DNAJC1: variants seen among roughly 807,000 people sequenced by gnomAD.
The protein encoded by DNAJC1 is dnaJ homolog subfamily C member 1.
DNAJC1 carries 58 observed loss-of-function variants against 76.6 expected under a neutral mutation model. The observed-to-expected ratio is 0.76, with a 90% confidence interval of 0.61 to 0.94. The LOEUF (loss-of-function observed/expected upper bound fraction) is 0.94, where lower values mean the gene tolerates loss of function less well. DNAJC1 is among the 40% of genes least tolerant of loss of function. DNAJC1 has a pLI of 0.00. For missense variants in DNAJC1, 689 were observed against 677.3 expected (o/e 1.02, Z -0.19); for synonymous variants, 258 against 267.9 (o/e 0.96, Z 0.36).
intron 6 of DNAJC1, among the ~76,000 whole-genome samples, chr10:21,917,034 G>A (rs1255478861): frequency 2.0e-5 from 3 of 151,910 alleles, no homozygotes; most frequent in African/African-American, 7.3e-5. Context: ...AGATTTAAAA[G>A]GTCTTGGAAC....
intron 6 of DNAJC1, among the ~76,000 whole-genome samples, 179 bp downstream of exon 6, chr10:21,918,600 A>G (rs1013090405): frequency 6.6e-6 from 1 of 151,954 alleles, no homozygotes; most frequent in Non-Finnish European, 1.5e-5. Flanking sequence ...AATTACAGAA[A>G]CATATCTAAA....
intron 8 of DNAJC1, among the ~76,000 whole-genome samples, chr10:21,875,494 T>C (rs1464111284): frequency 6.6e-6 from 1 of 152,196 alleles, no homozygotes; most frequent in Non-Finnish European, 1.5e-5. Context: ...AAATAAAGAT[T>C]TTCAGCAATG....
At chr10:21,953,152 T>G (rs1323743107) in intron 1 of DNAJC1, among the ~76,000 whole-genome samples, 1 of 152,142 alleles carries the variant, frequency 6.6e-6, no homozygotes, top group Non-Finnish European at 1.5e-5. Flanking sequence ...TATTTTACAT[T>G]AAAATTCCTA....
chr10:21,815,331 G>C (rs993932785), intron 8 of DNAJC1, among the ~76,000 whole-genome samples: 3 of 152,212 alleles, frequency 2.0e-5, no homozygotes, highest in African/African-American at 4.8e-5. Flanking sequence ...GGTTGTTCTT[G>C]ATGATCAAAC....
At chr10:21,808,512 T>C (rs1353246996) in intron 8 of DNAJC1, among the ~76,000 whole-genome samples, 4 of 152,224 alleles carry the variant, frequency 2.6e-5, no homozygotes, top group African/African-American at 9.6e-5. Flanking sequence ...AGAGGCTCGA[T>C]AGTGACTAGG....
At position 22,003,531 on chromosome 10, in the gene DNAJC1, G is replaced by C; in HGVS notation, c.-97C>G. The C allele has an allele frequency of 1.6e-6, 2 of 1,252,730 alleles. No homozygotes were observed. The highest frequency in any genetic ancestry group is 2.9e-5 in the South Asian group (1 of 34,658). 77.6% of individuals were successfully genotyped at this position (1,252,730 alleles called of 1,614,324 possible). On this transcript the variant is annotated 5_prime_UTR_variant, in exon 1 of 12. Coordinates refer to ENST00000376980, the MANE Select transcript of DNAJC1 (RefSeq NM_022365.4). ...TGGCTGTGGGGAACAGCGCCTGTCA[G>C]TGAAAAGCGCGGGCAGGCGCACCGG...
chr10:22,003,422 A>T lies in DNAJC1; in HGVS notation c.13T>A (p.Cys5Ser). Residue 5 changes from cysteine to serine, a missense_variant, in exon 1 of 12, where the codon TGC becomes AGC. Coordinates refer to ENST00000376980, the MANE Select transcript of DNAJC1 (RefSeq NM_022365.4). ...CCAGGAAGCTGCGCCGGCTGGGAGC[A>T]AGGAGCCGTCATCGCGCTGGGCTCG... MTAP[C>S]SQPAQLPGRR... 7.3e-7 allele frequency: 1 copy of T among 1,366,994 alleles called. No homozygotes were observed. The highest frequency in any genetic ancestry group is 1.9e-5 in the South Asian group (1 of 52,910). 84.7% of individuals were successfully genotyped at this position (1,366,994 alleles called of 1,614,324 possible).
intron 1 of DNAJC1, among the ~76,000 whole-genome samples, chr10:21,979,710 TTC>T (rs1461155665): frequency 6.6e-6 from 1 of 151,876 alleles, no homozygotes; most frequent in Non-Finnish European, 1.5e-5. Context: ...TTTATAATTT[TTC>T]TTTTTTTTTT....
At chr10:21,884,804 G>T (rs1332236478) in intron 7 of DNAJC1, among the ~76,000 whole-genome samples, 1 of 152,048 alleles carries the variant, frequency 6.6e-6, no homozygotes, top group Non-Finnish European at 1.5e-5. Flanking sequence ...AAATTCAATT[G>T]TTTGTATTTA....
intron 8 of DNAJC1, among the ~76,000 whole-genome samples, chr10:21,853,276 G>A (rs1170070599): frequency 6.6e-6 from 1 of 151,972 alleles, no homozygotes; most frequent in African/African-American, 2.4e-5. Flanking sequence ...TTGTGTCTTT[G>A]CGCCACATGT....
chr10:21,980,545 G>A (rs1590077805), intron 1 of DNAJC1, among the ~76,000 whole-genome samples: 2 of 152,246 alleles, frequency 1.3e-5, no homozygotes, highest in East Asian at 3.9e-4. Context: ...AACTGTCCCA[G>A]AGTGGACATA....
intron 8 of DNAJC1, among the ~76,000 whole-genome samples, chr10:21,878,085 T>C (rs1836216785): frequency 6.6e-6 from 1 of 152,166 alleles, no homozygotes; most frequent in Non-Finnish European, 1.5e-5. Context: ...ATAAAGCAAT[T>C]CAATTTTTTC....
chr10:21,849,572 T>A (rs1425234816), intron 8 of DNAJC1, among the ~76,000 whole-genome samples: 2 of 151,990 alleles, frequency 1.3e-5, no homozygotes, highest in Admixed American at 1.3e-4. Flanking sequence ...TTTCAAAATC[T>A]TAAAAAATCT....
At chr10:21,863,519 C>T (rs927020918) in intron 8 of DNAJC1, among the ~76,000 whole-genome samples, 1 of 151,908 alleles carries the variant, frequency 6.6e-6, no homozygotes, top group Admixed American at 6.6e-5. Context: ...ATCACTGTCA[C>T]TGGACATAAA....
At chr10:21,995,172 AACCTG>A (rs1234784406) in intron 1 of DNAJC1, among the ~76,000 whole-genome samples, 1 of 152,094 alleles carries the variant, frequency 6.6e-6, no homozygotes, top group Non-Finnish European at 1.5e-5. Flanking sequence ...TAGATTCCTT[AACCTG>A]ACCTGTTTTA....
chr10:21,930,904 A>T (rs1267268411), intron 1 of DNAJC1, among the ~76,000 whole-genome samples: 2 of 152,226 alleles, frequency 1.3e-5, no homozygotes, highest in African/African-American at 4.8e-5. Flanking sequence ...CCATTCCACA[A>T]GTATATTTCA....
chr10:21,981,567 T>C (rs1311478161), intron 1 of DNAJC1, among the ~76,000 whole-genome samples: 3 of 152,206 alleles, frequency 2.0e-5, no homozygotes, highest in Admixed American at 6.5e-5. Flanking sequence ...TTGTTAGTTT[T>C]CTGAGACTGG....
chr10:21,950,781 C>T (rs761083147), intron 1 of DNAJC1, among the ~76,000 whole-genome samples: 6 of 152,136 alleles, frequency 3.9e-5, no homozygotes, highest in Non-Finnish European at 7.3e-5. Flanking sequence ...GGTGTGGATA[C>T]AAGATAAAAC....
chr10:21,854,100 G>C (rs1319665658), intron 8 of DNAJC1, among the ~76,000 whole-genome samples: 1 of 151,868 alleles, frequency 6.6e-6, no homozygotes, highest in African/African-American at 2.4e-5. Context: ...CACTACAGTG[G>C]ATACAAAGAT....
Sources: gnomAD v4.1 joint callset for allele counts (sites outside exome capture counted in the v4.1 genomes callset) on GRCh38, gnomAD v4.1.1 for gene constraint, MANE v1.5 for transcripts, NCBI Gene and HGNC (gene_info 2026-07-23, HGNC 2026-07-21) for gene names.